The following MAGI2 variants were observed in gnomAD, a reference collection of about 807,000 sequenced individuals.
MAGI2 encodes the protein membrane associated guanylate kinase, WW and PDZ domain containing 2, also known as membrane-associated guanylate kinase, WW and PDZ domain-containing protein 2.
A neutral mutation model predicts 133.3 loss-of-function variants in MAGI2; 35 were observed. That is an observed-to-expected ratio of 0.26 (90% CI 0.20 to 0.35). The LOEUF is 0.35. Ranked by LOEUF, MAGI2 falls within the 10% of genes least tolerant of loss-of-function variation. The pLI, the probability that MAGI2 is intolerant of heterozygous loss-of-function variation, is 1.00. For missense variants in MAGI2, 1,636 were observed against 1,863.4 expected, an observed-to-expected ratio of 0.88 and a Z score of 2.25; for synonymous variants, 729 against 710.6, an observed-to-expected ratio of 1.03 and a Z score of -0.41.
chr7:78,757,480 T>TA (rs773630076), intron 2 of MAGI2, among the ~76,000 whole-genome samples: 2 of 152,052 alleles, frequency 1.3e-5, no homozygotes, highest in East Asian at 1.9e-4. Flanking sequence ...CTTTTTATGG[T>TA]AAAAAACAAA....
chr7:78,200,733 G>A (rs985060509), intron 11 of MAGI2, among the ~76,000 whole-genome samples: 1 of 152,142 alleles, frequency 6.6e-6, no homozygotes, highest in South Asian at 2.1e-4. Flanking sequence ...ACATTAAAAT[G>A]TAAATATAAA....
chr7:78,470,695 T>C (rs1791108512), intron 6 of MAGI2, among the ~76,000 whole-genome samples: 1 of 152,272 alleles, frequency 6.6e-6, no homozygotes, highest in Non-Finnish European at 1.5e-5. Context: ...ACTAAAATTA[T>C]TGCTTCCACA....
chr7:78,638,705 TCTTGA>T (rs1295812749), intron 2 of MAGI2, among the ~76,000 whole-genome samples: 9 of 152,182 alleles, frequency 5.9e-5, no homozygotes, highest in Non-Finnish European at 7.3e-5. Flanking sequence ...ATTCCAAGAT[TCTTGA>T]CTTGACTATT....
intron 13 of MAGI2, among the ~76,000 whole-genome samples, chr7:78,180,924 ATTTTTTTT>A (rs371615787): frequency 7.4e-5 from 8 of 108,016 alleles, no homozygotes; most frequent in Non-Finnish European, 9.2e-5. Flanking sequence ...AGGCAGCAGT[ATTTTTTTT>A]TTTTTTTTTT....
intron 9 of MAGI2, among the ~76,000 whole-genome samples, chr7:78,330,365 C>T (rs1789042033): frequency 2.7e-5 from 1 of 36,982 alleles, no homozygotes; most frequent in African/African-American, 1.3e-4. Flanking sequence ...CGCCTGTAAT[C>T]CCAGCACTTT....
chr7:79,241,520 G>A (rs1248462349), intron 1 of MAGI2, among the ~76,000 whole-genome samples: 9 of 152,028 alleles, frequency 5.9e-5, no homozygotes, highest in Non-Finnish European at 7.4e-5. Flanking sequence ...CTTATTCTGG[G>A]GACAGGCCAA....
intron 3 of MAGI2, among the ~76,000 whole-genome samples, chr7:78,548,982 G>A (rs573140321): frequency 1.3e-5 from 2 of 152,048 alleles, no homozygotes; most frequent in South Asian, 4.2e-4. Context: ...TTCATCCATG[G>A]GTTTGTTAAA....
intron 2 of MAGI2, among the ~76,000 whole-genome samples, chr7:78,655,624 T>G (rs983199679): frequency 6.6e-6 from 1 of 151,946 alleles, no homozygotes; most frequent in Non-Finnish European, 1.5e-5. Flanking sequence ...GACTCCAATA[T>G]GTATAGCAAT....
At chr7:78,020,275 G>A (rs1433765521) in intron 21 of MAGI2, among the ~76,000 whole-genome samples, 1 of 152,218 alleles carries the variant, frequency 6.6e-6, no homozygotes, top group Non-Finnish European at 1.5e-5. Flanking sequence ...TTCCGGGGGT[G>A]TTCTCGGGCC....
chr7:78,486,829 G>A, intron 6 of MAGI2: 1 of 463,560 alleles, frequency 2.2e-6, no homozygotes, highest in Admixed American at 2.2e-5. Flanking sequence ...TGCTGTCCCT[G>A]AGCTCGACAG....
In MAGI2 at chr7:78,334,213, A is replaced by G. The variant is rs1326932931; in HGVS notation, c.1408+9565T>C. Among the ~76,000 whole-genome samples the G allele has an allele frequency of 3.9e-5, 6 of 152,296 alleles. No individual in the cohort carries two copies. In the East Asian group the frequency reaches 9.7e-4, roughly 25 times the overall value. ...ACACTGCGCTGGGGTAGAGTGGGAA[A>G]TCACTGGATGACCATTAACTGGAAA... On this transcript the variant is annotated intron_variant, in intron 9 of 21. Coordinates refer to ENST00000354212, the MANE Select transcript of MAGI2 (RefSeq NM_012301.4).
chr7:78,140,949 C>T lies in MAGI2; in HGVS notation c.2846-5743G>A, dbSNP rs1822681178. On this transcript the variant is annotated intron_variant, in intron 16 of 21. Transcript: ENST00000354212. ...GCAAATACATGGCAAATATAACGTG[C>T]AGCAAAAGTAGAGTGGAGGAGTGAA... 2.0e-5 allele frequency among the ~76,000 whole-genome samples: 3 copies of T among 152,084 alleles called. No individual in the cohort carries two copies. The South Asian group carries it at 6.2e-4, about 32-fold the overall frequency.
intron 7 of MAGI2, among the ~76,000 whole-genome samples, chr7:78,356,224 G>A (rs1231634444): frequency 1.3e-5 from 2 of 152,144 alleles, no homozygotes; most frequent in African/African-American, 4.8e-5. Context: ...TCTATGTGAG[G>A]GAGAATGGAG....
chr7:78,946,924 G>A (rs1239814622), intron 2 of MAGI2: 1 of 151,970 alleles, frequency 6.6e-6, no homozygotes. Context: ...AAAACACATC[G>A]TCCAGATTTT....
chr7:78,135,379 C>A (rs1353587296), intron 16 of MAGI2, among the ~76,000 whole-genome samples, 173 bp from the exon 17 acceptor site: 1 of 152,128 alleles, frequency 6.6e-6, no homozygotes, highest in Non-Finnish European at 1.5e-5. Flanking sequence ...CTACTGAGAC[C>A]AAAGTTTCTA....
intron 6 of MAGI2, among the ~76,000 whole-genome samples, chr7:78,467,510 A>C (rs984057094): frequency 6.6e-6 from 1 of 152,044 alleles, no homozygotes; most frequent in African/African-American, 2.4e-5. Flanking sequence ...GTCAGAACTG[A>C]AATTAAAAGA....
At chr7:78,924,192 C>A (rs1285451041) in intron 2 of MAGI2, among the ~76,000 whole-genome samples, 1 of 152,092 alleles carries the variant, frequency 6.6e-6, no homozygotes, top group East Asian at 1.9e-4. Context: ...TTATTTCTTT[C>A]TCCTGCCTGA....
intron 3 of MAGI2, among the ~76,000 whole-genome samples, chr7:78,606,091 G>A (rs1009441691): frequency 2.6e-5 from 4 of 152,182 alleles, no homozygotes; most frequent in Admixed American, 6.5e-5. Context: ...GGGAATCAAG[G>A]ATGACTCCCA....
At chr7:79,272,955 C>T (rs1465343213) in intron 1 of MAGI2, among the ~76,000 whole-genome samples, 1 of 152,128 alleles carries the variant, frequency 6.6e-6, no homozygotes, top group African/African-American at 2.4e-5. Context: ...AGCACTAACT[C>T]TAGCCTAGCT....
Sources: allele counts gnomAD v4.1 joint callset (sites outside exome capture counted in the v4.1 genomes callset), GRCh38; gene constraint gnomAD v4.1.1; transcripts MANE v1.5; gene names NCBI Gene and HGNC (gene_info 2026-07-23, HGNC 2026-07-21).